The following ADAMTS9 variants were observed in gnomAD, a reference collection of about 807,000 sequenced individuals.
ADAMTS9 encodes A disintegrin and metalloproteinase with thrombospondin motifs 9.
In ADAMTS9, 107 loss-of-function variants were observed where a neutral mutation model predicts 257.1. The ratio of observed to expected loss-of-function variants is 0.42; its 90% CI spans 0.36 to 0.49. The LOEUF (loss-of-function observed/expected upper bound fraction) is 0.49. Ranked by LOEUF, ADAMTS9 falls within the 20% of genes least tolerant of loss-of-function variation. ADAMTS9 has a pLI of 0.03. For missense variants in ADAMTS9, 2,353 were observed against 2,469.1 expected (o/e 0.95, Z 1.00); for synonymous variants, 982 against 880.9 (o/e 1.11, Z -2.03).
At chr3:64,647,149 CA>C (rs1700816312) in intron 11 of ADAMTS9, among the ~76,000 whole-genome samples, 1 of 151,762 alleles carries the variant, frequency 6.6e-6, no homozygotes, top group Non-Finnish European at 1.5e-5. Flanking sequence ...AAATATCATT[CA>C]GAGATTGTAT....
intron 29 of ADAMTS9, among the ~76,000 whole-genome samples, chr3:64,566,583 C>A (rs552027608): frequency 2.6e-5 from 4 of 152,268 alleles, no homozygotes; most frequent in African/African-American, 9.6e-5. Context: ...GGCTTCCCAT[C>A]AAGATCACAT....
intron 4 of ADAMTS9, among the ~76,000 whole-genome samples, chr3:64,656,836 T>C (rs909717026): frequency 6.6e-6 from 1 of 150,470 alleles, no homozygotes; most frequent in Admixed American, 6.6e-5. Flanking sequence ...AGGCAAGGAG[T>C]ACCATAGGCC....
At chr3:64,611,042 C>T (rs545736420) in intron 22 of ADAMTS9, among the ~76,000 whole-genome samples, 31 of 135,654 alleles carry the variant, frequency 2.3e-4, no homozygotes, top group Non-Finnish European at 4.3e-4. Flanking sequence ...CGCCACTGCA[C>T]ACCAGCCTGG....
intron 21 of ADAMTS9, 74 bp downstream of exon 21, chr3:64,615,247 C>A: frequency 6.5e-7 from 1 of 1,542,956 alleles, no homozygotes; most frequent in Non-Finnish European, 8.8e-7. Context: ...AAGGGTTTGT[C>A]TTAAACAGAT....
intron 12 of ADAMTS9, among the ~76,000 whole-genome samples, chr3:64,635,228 G>A (rs573660929): frequency 5.9e-5 from 9 of 152,134 alleles, no homozygotes; most frequent in Admixed American, 1.3e-4. Context: ...TGTTATAAAC[G>A]TACTTGCTCG....
rs1363084582 is a variant in ADAMTS9, at chr3:64,533,258, T to C, written c.5626A>G (p.Ile1876Val). The C allele has an allele frequency of 6.2e-7, 1 of 1,614,112 alleles. No individual in the cohort carries two copies. The highest frequency in any genetic ancestry group is 1.1e-5 in the South Asian group (1 of 91,072). ...GACAAGCCGGTTCCATAAAGGTTGATGCTAAAACGACCCTGGAAAACACGA... is the reference window on the plus strand; with the variant it reads ...GACAAGCCGGTTCCATAAAGGTTGACGCTAAAACGACCCTGGAAAACACGA... ...AAKCPQGRFSINLYGTGLSLT... is the reference protein window; with the variant it reads ...AAKCPQGRFSVNLYGTGLSLT... The change falls in exon 38 of 40, where the codon ATC becomes GTC. Residue 1876 changes from isoleucine to valine, a missense_variant. By Grantham distance (29) the Ile-to-Val change is conservative. Around this residue, in one of 3 missense-constraint regions of ADAMTS9, gnomAD observed 1,402 missense variants for 1,441.4 expected, o/e 0.97. Coordinates refer to ENST00000498707, the MANE Select transcript of ADAMTS9 (RefSeq NM_182920.2).
chr3:64,686,019 G>C lies in ADAMTS9; in HGVS notation c.516+549C>G, dbSNP rs999123544. 1.3e-5 allele frequency among the ~76,000 whole-genome samples: 2 copies of C among 152,214 alleles called. No homozygotes were observed. The highest frequency in any genetic ancestry group is 2.9e-5 in the Non-Finnish European group (2 of 68,046). On this transcript the variant is annotated intron_variant, in intron 2 of 39. Transcript: ENST00000498707. The surrounding 1 kb of genome is among the most constrained non-coding windows in gnomAD (Gnocchi z 4.6). Reference sequence around the variant, plus strand: ...ACGGGACCTGCTCCCTGTCAATCCAGTTCAGCCTCAGGGTTCCTGGCGCGT... The same window carrying C: ...ACGGGACCTGCTCCCTGTCAATCCACTTCAGCCTCAGGGTTCCTGGCGCGT...
intron 37 of ADAMTS9, among the ~76,000 whole-genome samples, chr3:64,535,271 C>G (rs997889501): frequency 6.6e-6 from 1 of 151,942 alleles, no homozygotes; most frequent in Non-Finnish European, 1.5e-5. Flanking sequence ...CCCAGATGCT[C>G]GGGAGACTGA....
chr3:64,558,245 A>G (rs2083367827), intron 30 of ADAMTS9, among the ~76,000 whole-genome samples: 1 of 152,162 alleles, frequency 6.6e-6, no homozygotes, highest in South Asian at 2.1e-4. Context: ...TCCGGGCTTC[A>G]AATTCCAGCC....
rs2106911354 is a variant in ADAMTS9, at chr3:64,541,519, C to T, written c.5292+7G>A. 1 of 1,612,908 alleles carries T rather than the reference C, an allele frequency of 6.2e-7. No homozygotes were observed. On this transcript the variant is annotated splice_region_variant and intron_variant, in intron 34 of 39. Transcript: ENST00000498707. ...TCTTGAAATAATGACTGGTGTCTGA[C>T]ATTCACCTTCAGAAGCTTTCCTCTA...
intron 14 of ADAMTS9, among the ~76,000 whole-genome samples, chr3:64,632,231 GA>G (rs1484126997): frequency 6.6e-6 from 1 of 152,028 alleles, no homozygotes; most frequent in East Asian, 1.9e-4. Context: ...ATAAAAGTTT[GA>G]AAAGCACTAG....
rs2082769661 is a variant in ADAMTS9 at position 64,515,879 on chromosome 3, A to C, written c.*1248T>G. 1 of 152,154 alleles carries C rather than the reference A, an allele frequency of 6.6e-6. No homozygotes were observed. Among genetic ancestry groups the C allele is most frequent in the African/African-American group, 2.4e-5 (1 of 41,438 alleles). 9.4% of individuals were successfully genotyped at this position (152,154 alleles called of 1,614,324 possible). ...GGGCCATTGGCAAAGGCTTCCCTTC[A>C]TCAGCTTGGAGGGGCAGAAAGACCA... is the stretch of plus-strand genomic sequence containing the variant. On this transcript the variant is annotated 3_prime_UTR_variant, in exon 40 of 40. Coordinates refer to ENST00000498707, the MANE Select transcript of ADAMTS9 (RefSeq NM_182920.2).
chr3:64,524,389 G>A (rs545447456), intron 38 of ADAMTS9, among the ~76,000 whole-genome samples: 1 of 152,286 alleles, frequency 6.6e-6, no homozygotes, highest in South Asian at 2.1e-4. Flanking sequence ...ACATTATATG[G>A]TTATGGACAG....
chr3:64,517,417 T>TTTTTTTTTTTTTTTTG (rs2082791317), intron 39 of ADAMTS9, among the ~76,000 whole-genome samples: 3 of 48,220 alleles, frequency 6.2e-5, no homozygotes, highest in South Asian at 1.5e-3. Flanking sequence ...TTAAAAATGG[T>TTTTTTTTTTTTTTTTG]TTTTTTTTTT....
chr3:64,622,416 T>C lies in ADAMTS9; in HGVS notation c.2556+4A>G. The C allele has an allele frequency of 6.2e-7, 1 of 1,613,890 alleles. No individual in the cohort carries two copies. Among genetic ancestry groups the C allele is most frequent in the Non-Finnish European group, 8.5e-7 (1 of 1,179,908 alleles). The stretch of plus-strand genomic sequence containing the variant: ...GGGTGGTGGGCTCATGGTCAAGTTT[T>C]TACCTGAAGCAAAAGTTCTTGCTCA... On this transcript the variant is annotated splice_donor_region_variant and intron_variant, in intron 17 of 39. Transcript: ENST00000498707.
intron 3 of ADAMTS9, among the ~76,000 whole-genome samples, chr3:64,676,984 C>T (rs935759327): frequency 2.6e-5 from 4 of 152,206 alleles, no homozygotes. Flanking sequence ...ATAAGAACCA[C>T]TAAATCCTCT....
chr3:64,652,493 A>C (rs958849496), intron 8 of ADAMTS9, among the ~76,000 whole-genome samples: 4 of 152,202 alleles, frequency 2.6e-5, no homozygotes, highest in African/African-American at 4.8e-5. Context: ...CAAGGCATTC[A>C]AATCTTAGTG....
intron 28 of ADAMTS9, among the ~76,000 whole-genome samples, chr3:64,592,030 A>T (rs2084271910): frequency 6.6e-6 from 1 of 152,216 alleles, no homozygotes; most frequent in African/African-American, 2.4e-5. Context: ...ATATTATACC[A>T]AAGCATCCAC....
In ADAMTS9 at chr3:64,604,269, G is replaced by A; in HGVS notation, c.3537C>T (p.Tyr1179=). The A allele has an allele frequency of 1.9e-6, 3 of 1,613,674 alleles. No homozygotes were observed. Among genetic ancestry groups the A allele is most frequent in the Non-Finnish European group, 2.5e-6 (3 of 1,179,806 alleles). The part of the protein sequence containing the change: ...PAAPETRRST[Y]SAPRTQWRFG... ...ATCGCCACTGGGTTCTTGGTGCACT[G>A]TATGTGCTTCTCCTCGTTTCCGGGG... The change falls in exon 24 of 40, where the codon TAC becomes TAT. Residue 1179 remains tyrosine, a synonymous_variant. Coordinates refer to ENST00000498707, the MANE Select transcript of ADAMTS9 (RefSeq NM_182920.2).
Sources: gnomAD v4.1 joint callset for allele counts (sites outside exome capture counted in the v4.1 genomes callset) on GRCh38, gnomAD v4.1.1 for gene constraint, gnomAD v4.1.1 regional missense constraint, Gnocchi (gnomAD v3.1) non-coding constraint, MANE v1.5 for transcripts, NCBI Gene and HGNC (gene_info 2026-07-23, HGNC 2026-07-21) for gene names.